Variants in GCC2 observed in about 807,000 individuals in gnomAD.
The protein encoded by GCC2 is GRIP and coiled-coil domain containing 2, also known as GRIP and coiled-coil domain-containing protein 2.
GCC2 carries 120 observed loss-of-function variants against 210.6 expected under a neutral mutation model. The ratio of observed to expected loss-of-function variants is 0.57; its 90% CI spans 0.49 to 0.66. GCC2 has a LOEUF of 0.66. Ranked by LOEUF, GCC2 falls within the 30% of genes least tolerant of loss-of-function variation. The probability of loss-of-function intolerance (pLI) is 0.00; values close to 1 mark genes in which losing one functional copy is unlikely to be tolerated. For synonymous variants in GCC2, 703 were observed against 652.7 expected (o/e 1.08, Z -1.17); for missense variants, 1,868 against 1,871.9 (o/e 1.00, Z 0.04).
intron 1 of GCC2, 62 bp downstream of exon 1, chr2:108,449,342 G>A: frequency 3.3e-6 from 5 of 1,531,052 alleles, no homozygotes; most frequent in Non-Finnish European, 4.4e-6. Context: ...TGGGATGTGG[G>A]AGTGGGCCCG....
chr2:108,486,553 G>C lies in GCC2; in HGVS notation c.3835G>C (p.Glu1279Gln). 1 of 1,614,000 alleles carries C rather than the reference G, an allele frequency of 6.2e-7. No homozygotes were observed. The change falls in exon 16 of 23, where the codon GAG (glutamate) becomes CAG (glutamine). Residue 1279 changes from glutamate (E) to glutamine (Q), a missense_variant. Physicochemically the swap from Glu to Gln is conservative, Grantham distance 29 (BLOSUM62 2). Around this residue, in one of 3 missense-constraint regions of GCC2, gnomAD observed 1,847 missense variants for 1,765.2 expected, o/e 1.05. Coordinates refer to ENST00000309863, the MANE Select transcript of GCC2 (RefSeq NM_181453.4). ...EITSEKHKIHEHLKTSAEQHQ... is the reference protein window; with the variant it reads ...EITSEKHKIHQHLKTSAEQHQ... The stretch of plus-strand genomic sequence containing the variant: ...AACATCAGAGAAGCACAAAATCCAC[G>C]AGCACCTGAAAACCTCTGCGGAACA...
rs750323927 is a variant in GCC2 at position 108,486,603 on chromosome 2, C to G, written c.3885C>G (p.Tyr1295Ter). The part of the protein sequence containing the change: ...AEQHQRTLSA[Y>*]QQRVTALQEE... ...AGCACCAGCGTACGCTAAGTGCATA[C>G]CAGCAGAGAGTGACAGCACTACAGG... The change falls in exon 16 of 23, where the codon TAC becomes TAG. Residue 1295 changes from tyrosine (Y) to a stop codon, truncating the protein, a stop_gained. Transcript: ENST00000309863. LOFTEE classifies it high-confidence loss of function. 6.2e-7 allele frequency: 1 copy of G among 1,614,040 alleles called. No homozygotes were observed. Among genetic ancestry groups the G allele is most frequent in the Admixed American group, 1.7e-5 (1 of 60,016 alleles).
At chr2:108,452,577 G>C in intron 4 of GCC2, 111 bp downstream of exon 4, 1 of 713,592 alleles carries the variant, frequency 1.4e-6, no homozygotes, top group Admixed American at 2.4e-5. Context: ...TCTCTGCCTT[G>C]GTTGTTTTTA....
At chr2:108,449,307 C>T (rs983296114) in intron 1 of GCC2, 27 bp downstream of exon 1, 3 of 1,546,050 alleles carry the variant, frequency 1.9e-6, no homozygotes, top group Non-Finnish European at 2.6e-6. Flanking sequence ...CCACTGCCTC[C>T]CATCAAGCCT....
In GCC2 at chr2:108,469,813, A is replaced by G; in HGVS notation, c.484A>G (p.Thr162Ala). The G allele has an allele frequency of 6.2e-7, 1 of 1,613,886 alleles. No homozygotes were observed. Among genetic ancestry groups the G allele is most frequent in the Non-Finnish European group, 8.5e-7 (1 of 1,179,836 alleles). ...LQKQLEEAMN[T>A]QLELSEQLKF... ...AAAGCAGCTGGAAGAAGCAATGAAT[A>G]CGCAATTAGAACTTTCAGAACAACT... is the stretch of plus-strand genomic sequence containing the variant. The change falls in exon 6 of 23, where the codon ACG (threonine) becomes GCG (alanine). Residue 162 changes from threonine (T) to alanine (A), a missense_variant. By Grantham distance (58) the Thr-to-Ala change is moderately conservative. Coordinates refer to ENST00000309863, the MANE Select transcript of GCC2 (RefSeq NM_181453.4).
chr2:108,467,263 C>G (rs1191868913), intron 4 of GCC2, among the ~76,000 whole-genome samples: 1 of 152,124 alleles, frequency 6.6e-6, no homozygotes, highest in Non-Finnish European at 1.5e-5. Flanking sequence ...TCTTGATATT[C>G]TTTGATACCA....
At chr2:108,456,453 T>C (rs573188465) in intron 4 of GCC2, among the ~76,000 whole-genome samples, 4 of 152,346 alleles carry the variant, frequency 2.6e-5, no homozygotes, top group East Asian at 1.9e-4. Context: ...ATTAGTGATA[T>C]TGAGTATTTT....
intron 17 of GCC2, among the ~76,000 whole-genome samples, chr2:108,488,251 T>TA (rs1682243682): frequency 6.6e-6 from 1 of 152,104 alleles, no homozygotes; most frequent in Non-Finnish European, 1.5e-5. Flanking sequence ...TGTATATTGT[T>TA]ACCAAAGAGA....
intron 9 of GCC2, among the ~76,000 whole-genome samples, chr2:108,477,283 T>C (rs1482499059): frequency 6.6e-6 from 1 of 152,224 alleles, no homozygotes; most frequent in Non-Finnish European, 1.5e-5. Context: ...AAGAGATAGA[T>C]ACTTCTGCAT....
chr2:108,475,497 T>C, intron 7 of GCC2, 38 bp from the exon 8 acceptor site: 1 of 954,028 alleles, frequency 1.0e-6, no homozygotes, highest in South Asian at 2.0e-5. Flanking sequence ...TTTTTTCCTT[T>C]TGAGTTCGTA....
At chr2:108,461,741 T>C (rs559461900) in intron 4 of GCC2, among the ~76,000 whole-genome samples, 1 of 151,716 alleles carries the variant, frequency 6.6e-6, no homozygotes, top group East Asian at 1.9e-4. Context: ...GGACCTCAGG[T>C]GATCCACCTG....
At chr2:108,475,475 A>C (rs1433141178) in intron 7 of GCC2, 60 bp from the exon 8 acceptor site, 1 of 707,626 alleles carries the variant, frequency 1.4e-6, no homozygotes, top group East Asian at 2.9e-5. Context: ...TAAAATAAGC[A>C]AGTAATTTGA....
rs138827624 is a variant in GCC2 at position 108,472,833 on chromosome 2, T to A, written c.2794T>A (p.Leu932Ile). 6.3e-6 allele frequency: 10 copies of A among 1,575,626 alleles called. No individual in the cohort carries two copies. Among genetic ancestry groups the A allele is most frequent in the African/African-American group, 1.4e-5 (1 of 73,784 alleles). ...TTTCCCCTGTAAAATCTAGGATTCC[T>A]TAGCAAAATCACCTTCTGTAAAAAA... ...RAELILLKDS[L>I]AKSPSVKNDP... is the part of the protein sequence containing the mutation. The change falls in exon 7 of 23, where the codon TTA (leucine) becomes ATA (isoleucine). Residue 932 changes from leucine (L) to isoleucine (I), a missense_variant. Around this residue, in one of 3 missense-constraint regions of GCC2, gnomAD observed 1,847 missense variants for 1,765.2 expected, o/e 1.05. Coordinates refer to ENST00000309863, the MANE Select transcript of GCC2 (RefSeq NM_181453.4).
intron 22 of GCC2, among the ~76,000 whole-genome samples, chr2:108,504,802 A>G (rs141221396): frequency 1.3e-5 from 2 of 152,328 alleles, no homozygotes; most frequent in African/African-American, 4.8e-5. Flanking sequence ...TACAGTTTAC[A>G]GATCTGAATA....
At chr2:108,497,243 A>C in intron 21 of GCC2, 134 bp downstream of exon 21, 1 of 1,444,610 alleles carries the variant, frequency 6.9e-7, no homozygotes, top group South Asian at 1.2e-5. Flanking sequence ...CAGCCTCCCG[A>C]GTAGCTGGGA....
chr2:108,493,525 T>C (rs181658812), intron 19 of GCC2: 1 of 985,466 alleles, frequency 1.0e-6, no homozygotes, highest in Admixed American at 6.1e-5. Flanking sequence ...CTGAATGTGT[T>C]AGAACTGCAT....
At chr2:108,460,498 TCTTC>T (rs1415122377) in intron 4 of GCC2, among the ~76,000 whole-genome samples, 1 of 152,208 alleles carries the variant, frequency 6.6e-6, no homozygotes, top group African/African-American at 2.4e-5. Context: ...GAGTCCTTTC[TCTTC>T]CTTATTTGTG....
Position 108,483,152 on chromosome 2 carries a change from G to C in GCC2, c.3436G>C (p.Glu1146Gln), listed in dbSNP as rs151289779. The change falls in exon 12 of 23, where the codon GAG becomes CAG. Residue 1146 changes from glutamate to glutamine, a missense_variant. Physicochemically the swap from Glu to Gln is conservative, Grantham distance 29 (BLOSUM62 2). Coordinates refer to ENST00000309863, the MANE Select transcript of GCC2 (RefSeq NM_181453.4). ...GCTTCAGAAAACCATGCAAGAATTA[G>C]AGCTGGTTAAAAAGGTAAAATAAAA... ...KQLQKTMQEL[E>Q]LVKKDAQQTT... 3.5e-5 allele frequency: 52 copies of C among 1,500,614 alleles called. No homozygotes were observed. Among genetic ancestry groups the C allele is most frequent in the Middle Eastern group, 1.8e-4 (1 of 5,476 alleles). 93.0% of individuals were successfully genotyped at this position (1,500,614 alleles called of 1,614,324 possible).
intron 4 of GCC2, among the ~76,000 whole-genome samples, chr2:108,452,691 C>CTTTTTT (rs34444254): frequency 2.4e-4 from 24 of 99,398 alleles, no homozygotes; most frequent in African/African-American, 5.1e-4. Flanking sequence ...TTTTTTCTTT[C>CTTTTTT]TTTTTTTTTT....
Sources: allele counts gnomAD v4.1 joint callset (sites outside exome capture counted in the v4.1 genomes callset), GRCh38; gene constraint gnomAD v4.1.1; regional missense constraint gnomAD v4.1.1; transcripts MANE v1.5; gene names NCBI Gene and HGNC (gene_info 2026-07-23, HGNC 2026-07-21).